MYO5C: variants seen among roughly 807,000 people sequenced by gnomAD.
MYO5C encodes the protein myosin VC.
MYO5C carries 194 observed loss-of-function variants against 235.7 expected under a neutral mutation model. That is an observed-to-expected ratio of 0.82 (90% CI 0.73 to 0.93). The LOEUF is 0.93. Ranked by LOEUF, MYO5C falls within the 40% of genes least tolerant of loss-of-function variation. MYO5C has a pLI of 0.00. For synonymous variants in MYO5C, 707 were observed against 754.8 expected (o/e 0.94, Z 1.04); for missense variants, 2,038 against 2,127.2 (o/e 0.96, Z 0.82).
intron 9 of MYO5C, 59 bp from the exon 10 acceptor site, chr15:52,261,186 C>T (rs1288477201): frequency 1.9e-6 from 3 of 1,584,744 alleles, no homozygotes; most frequent in South Asian, 1.1e-5. Context: ...CACACAATCC[C>T]ACCCGGCCAA....
intron 29 of MYO5C, among the ~76,000 whole-genome samples, chr15:52,222,167 C>A (rs183688802): frequency 3.3e-5 from 5 of 152,204 alleles, no homozygotes; most frequent in Non-Finnish European, 7.3e-5. Flanking sequence ...TTTCAACTTA[C>A]AATACAATAC....
At chr15:52,252,855 A>T (rs886910005) in intron 12 of MYO5C, among the ~76,000 whole-genome samples, 2 of 152,186 alleles carry the variant, frequency 1.3e-5, no homozygotes, top group African/African-American at 4.8e-5. Flanking sequence ...CCCATGAGAG[A>T]CACTGCCAGG....
At chr15:52,229,853 C>A (rs756202486) in intron 24 of MYO5C, among the ~76,000 whole-genome samples, 17 of 152,170 alleles carry the variant, frequency 1.1e-4, no homozygotes, top group Admixed American at 1.0e-3. Flanking sequence ...ACAGTGATCA[C>A]GCACAGGGCA....
intron 32 of MYO5C, 89 bp downstream of exon 32, chr15:52,218,430 G>A (rs2035601739): frequency 1.6e-6 from 2 of 1,272,732 alleles, no homozygotes; most frequent in Non-Finnish European, 2.2e-6. Flanking sequence ...GTCTATAGAT[G>A]TTAATCATAT....
chr15:52,272,515 G>T, intron 6 of MYO5C, 65 bp downstream of exon 6: 1 of 1,505,308 alleles, frequency 6.6e-7, no homozygotes, highest in Non-Finnish European at 9.2e-7. Context: ...GCCTGAGTAT[G>T]TATAATAAGT....
At chr15:52,247,828 G>A (rs2036386457) in intron 14 of MYO5C, among the ~76,000 whole-genome samples, 1 of 152,010 alleles carries the variant, frequency 6.6e-6, no homozygotes, top group Admixed American at 6.6e-5. Flanking sequence ...TCTGTATGTG[G>A]GTATCACTCT....
At chr15:52,234,439 T>C (rs933161129) in intron 23 of MYO5C, among the ~76,000 whole-genome samples, 2 of 152,174 alleles carry the variant, frequency 1.3e-5, no homozygotes, top group Non-Finnish European at 2.9e-5. Flanking sequence ...CAGGTTATAT[T>C]CCTGAGAATT....
intron 31 of MYO5C, 38 bp from the exon 32 acceptor site, chr15:52,218,725 A>G (rs373224753): frequency 2.5e-6 from 4 of 1,604,848 alleles, no homozygotes; most frequent in South Asian, 1.1e-5. Flanking sequence ...TATCAGTATG[A>G]CGGTCATGGA....
chr15:52,270,900 A>T (rs1451027051), intron 7 of MYO5C, among the ~76,000 whole-genome samples: 2 of 152,120 alleles, frequency 1.3e-5, no homozygotes, highest in Non-Finnish European at 2.9e-5. Flanking sequence ...ACATACTAGA[A>T]GTTATCTCCA....
chr15:52,244,848 T>A (rs1221382267), intron 18 of MYO5C, among the ~76,000 whole-genome samples: 1 of 152,224 alleles, frequency 6.6e-6, no homozygotes, highest in African/African-American at 2.4e-5. Context: ...CCAGAGAACT[T>A]CAGCCACTCT....
At chr15:52,276,152 A>G (rs2037046145) in intron 4 of MYO5C, among the ~76,000 whole-genome samples, 1 of 152,114 alleles carries the variant, frequency 6.6e-6, no homozygotes, top group East Asian at 1.9e-4. Flanking sequence ...GTCAACATGT[A>G]TTTATTGAGT....
intron 19 of MYO5C, among the ~76,000 whole-genome samples, chr15:52,243,883 A>C (rs1364511762): frequency 6.6e-6 from 1 of 152,118 alleles, no homozygotes; most frequent in Admixed American, 6.5e-5. Flanking sequence ...CTTCCTGCTT[A>C]GGGGTTCTGT....
At chr15:52,273,304 C>G (rs1384010541) in intron 5 of MYO5C, among the ~76,000 whole-genome samples, 1 of 152,206 alleles carries the variant, frequency 6.6e-6, no homozygotes, top group African/African-American at 2.4e-5. Flanking sequence ...GCCTGGGTAA[C>G]TTAGCGAGAC....
At chr15:52,219,690 G>T in intron 31 of MYO5C, 69 bp downstream of exon 31, 1 of 1,233,320 alleles carries the variant, frequency 8.1e-7, no homozygotes, top group Non-Finnish European at 1.2e-6. Flanking sequence ...ACACATCTTG[G>T]TATATTCTAC....
At chr15:52,247,882 C>T (rs1336473533) in intron 14 of MYO5C, among the ~76,000 whole-genome samples, 1 of 152,198 alleles carries the variant, frequency 6.6e-6, no homozygotes, top group African/African-American at 2.4e-5. Context: ...ACCTCCGTGC[C>T]TGGCTCACAC....
At chr15:52,206,070 A>AAGG in intron 36 of MYO5C, 104 bp from the exon 37 acceptor site, 1 of 718,574 alleles carries the variant, frequency 1.4e-6, no homozygotes, top group Non-Finnish European at 2.1e-6. Flanking sequence ...TGTCTGATTT[A>AAGG]TATCAAATGA....
In MYO5C at chr15:52,272,611, T is replaced by C. The variant is rs200785430; in HGVS notation, c.719A>G (p.Tyr240Cys). The C allele has an allele frequency of 1.7e-4, 273 of 1,613,712 alleles. No individual in the cohort carries two copies. The highest frequency in any genetic ancestry group is 7.4e-5 in the Non-Finnish European group (87 of 1,179,920). The change falls in exon 6 of 41, where the codon TAC (tyrosine) becomes TGC (cysteine). Residue 240 changes from tyrosine to cysteine, a missense_variant. Coordinates refer to ENST00000261839, the MANE Select transcript of MYO5C (RefSeq NM_018728.4). Reference sequence around the variant, plus strand: ...GACAACTCTGGATTTCTCCAGGAGGTAAGTGCTCATGTTGGCTCCTATAAT... The same window carrying C: ...GACAACTCTGGATTTCTCCAGGAGGCAAGTGCTCATGTTGGCTCCTATAAT... ...NQIIGANMST[Y>C]LLEKSRVVFQ...
chr15:52,241,841 G>A (rs929644876), intron 20 of MYO5C, among the ~76,000 whole-genome samples: 2 of 152,014 alleles, frequency 1.3e-5, no homozygotes, highest in African/African-American at 4.8e-5. Flanking sequence ...GAACTCCTGG[G>A]CTCAAGGAAC....
chr15:52,219,088 G>T (rs1277886051), intron 31 of MYO5C, among the ~76,000 whole-genome samples: 2 of 152,230 alleles, frequency 1.3e-5, no homozygotes, highest in African/African-American at 4.8e-5. Flanking sequence ...CATTAGAAGA[G>T]TTCCAAAATG....
Sources: gnomAD v4.1 joint callset for allele counts (sites outside exome capture counted in the v4.1 genomes callset) on GRCh38, gnomAD v4.1.1 for gene constraint, MANE v1.5 for transcripts, NCBI Gene and HGNC (gene_info 2026-07-23, HGNC 2026-07-21) for gene names.